The following GATAD2B variants were observed in gnomAD, a reference collection of about 807,000 sequenced individuals.
The protein encoded by GATAD2B is transcriptional repressor p66-beta.
In GATAD2B, 8 loss-of-function variants were observed where a neutral mutation model predicts 64.3. The ratio of observed to expected loss-of-function variants is 0.12; its 90% CI spans 0.07 to 0.22. The LOEUF (loss-of-function observed/expected upper bound fraction) is 0.22, where lower values mean the gene tolerates loss of function less well. Ranked by LOEUF, GATAD2B falls within the 10% of genes least tolerant of loss-of-function variation. The probability of loss-of-function intolerance (pLI) is 1.00; values close to 1 mark genes in which losing one functional copy is unlikely to be tolerated. For synonymous variants in GATAD2B, 281 were observed against 271.3 expected (o/e 1.04, Z -0.35); for missense variants, 453 against 752.0 (o/e 0.60, Z 4.65).
intron 1 of GATAD2B, among the ~76,000 whole-genome samples, chr1:153,888,470 A>T (rs1677250420): frequency 6.6e-6 from 1 of 152,118 alleles, no homozygotes. Context: ...GTGTGCAAAT[A>T]CTTCATTTCT....
chr1:153,866,822 G>A lies in GATAD2B; in HGVS notation c.-1-38474C>T, dbSNP rs940128414. Among the ~76,000 whole-genome samples, 8 of 152,140 alleles carry A rather than the reference G, an allele frequency of 5.3e-5. No homozygotes were observed. In the South Asian group the frequency reaches 6.2e-4, roughly 12 times the overall value. Reference sequence around the variant, plus strand: ...TTTTGAGACGGAGTCTTGCTCTGTCGCCAGGCTGGAGTGCAGTGGCACAAT... The same window carrying A: ...TTTTGAGACGGAGTCTTGCTCTGTCACCAGGCTGGAGTGCAGTGGCACAAT... On this transcript the variant is annotated intron_variant, in intron 1 of 10. Coordinates refer to ENST00000368655, the MANE Select transcript of GATAD2B (RefSeq NM_020699.4).
chr1:153,889,179 G>A (rs537945830), intron 1 of GATAD2B, among the ~76,000 whole-genome samples: 6 of 151,940 alleles, frequency 3.9e-5, no homozygotes, highest in South Asian at 4.2e-4. Context: ...GTATCAGGCC[G>A]GGTGTGGTGG....
Position 153,816,497 on chromosome 1 carries a change from C to G in GATAD2B, c.992G>C (p.Arg331Thr), listed in dbSNP as rs759007857. 3 of 1,613,746 alleles carry G rather than the reference C, an allele frequency of 1.9e-6. No homozygotes were observed. The highest frequency in any genetic ancestry group is 2.5e-6 in the Non-Finnish European group (3 of 1,179,580). The change falls in exon 7 of 11, where the codon AGA becomes ACA. Residue 331 changes from arginine to threonine, a missense_variant. By Grantham distance (71) the Arg-to-Thr change is moderately conservative. Transcript: ENST00000368655. The surrounding 1 kb of genome is among the most constrained non-coding windows in gnomAD (Gnocchi z 4.9). ...GGGGCTAGGAAGTGGCGAGGACACTCTGTTCACCGTCCCTGGCTGGATATG... is the reference window on the plus strand; with the variant it reads ...GGGGCTAGGAAGTGGCGAGGACACTGTGTTCACCGTCCCTGGCTGGATATG... ...ASHIQPGTVN[R>T]VSSPLPSPSA... is the part of the protein sequence containing the mutation.
chr1:153,861,192 C>A (rs888333639), intron 1 of GATAD2B, among the ~76,000 whole-genome samples: 1 of 152,086 alleles, frequency 6.6e-6, no homozygotes, highest in African/African-American at 2.4e-5. Context: ...GAGAAGGACG[C>A]CTGCCTCCAA....
chr1:153,905,553 G>GAAAAAA (rs769120730), intron 1 of GATAD2B, among the ~76,000 whole-genome samples: 4 of 64,660 alleles, frequency 6.2e-5, no homozygotes, highest in East Asian at 4.6e-4. Flanking sequence ...AACAATTTTG[G>GAAAAAA]AAAAAAAAAA....
At chr1:153,875,588 T>G (rs1215605787) in intron 1 of GATAD2B, among the ~76,000 whole-genome samples, 1 of 151,478 alleles carries the variant, frequency 6.6e-6, no homozygotes, top group Non-Finnish European at 1.5e-5. Flanking sequence ...GTGGCTGTGT[T>G]TCAACAAAAT....
At chr1:153,863,920 C>A (rs1472023013) in intron 1 of GATAD2B, among the ~76,000 whole-genome samples, 3 of 152,046 alleles carry the variant, frequency 2.0e-5, no homozygotes, top group Non-Finnish European at 2.9e-5. Flanking sequence ...CCACCACGCC[C>A]GGCCTAAAAA....
In GATAD2B at chr1:153,813,290, C is replaced by T. The variant is rs1036140299; in HGVS notation, c.1379G>A (p.Arg460Gln). The T allele has an allele frequency of 3.1e-6, 5 of 1,614,116 alleles. No individual in the cohort carries two copies. Among genetic ancestry groups the T allele is most frequent in the Non-Finnish European group, 4.2e-6 (5 of 1,180,020 alleles). ...KKALKAEHTN[R>Q]LKNAFVKALQ... ...GGCTTTCACAAATGCATTTTTCAGC[C>T]GGTTGGTGTGTTCAGCTTTTAGAGC... is the stretch of plus-strand genomic sequence containing the variant. Residue 460 changes from arginine (R) to glutamine (Q), a missense_variant, in exon 8 of 11, where the codon CGG becomes CAG. Arg to Gln is a conservative substitution (Grantham distance 43, BLOSUM62 1). Around this residue, in one of 2 missense-constraint regions of GATAD2B, gnomAD observed 160 missense variants for 334.7 expected, o/e 0.48. Transcript: ENST00000368655.
intron 1 of GATAD2B, among the ~76,000 whole-genome samples, chr1:153,903,918 A>C (rs554303833): frequency 6.6e-6 from 1 of 152,290 alleles, no homozygotes; most frequent in East Asian, 1.9e-4. Context: ...CGGGAAGTGA[A>C]GGCTGCAGTG....
chr1:153,811,533 C>A, intron 10 of GATAD2B, 198 bp downstream of exon 10: 1 of 647,766 alleles, frequency 1.5e-6, no homozygotes, highest in South Asian at 1.9e-5. Context: ...TCATTTTCAC[C>A]ACCAAAACCC....
At chr1:153,902,930 G>C (rs1275068245) in intron 1 of GATAD2B, among the ~76,000 whole-genome samples, 1 of 152,142 alleles carries the variant, frequency 6.6e-6, no homozygotes, top group Non-Finnish European at 1.5e-5. Context: ...AGATTTAAGT[G>C]GTTACAGCCG....
chr1:153,812,720 G>A (rs958227529), intron 8 of GATAD2B, among the ~76,000 whole-genome samples: 2 of 152,086 alleles, frequency 1.3e-5, no homozygotes, highest in African/African-American at 4.8e-5. Context: ...ACTCAAACAA[G>A]GGACTCTGAT....
At chr1:153,855,846 C>T (rs1431814878) in intron 1 of GATAD2B, among the ~76,000 whole-genome samples, 14 of 152,042 alleles carry the variant, frequency 9.2e-5, no homozygotes, top group Admixed American at 9.2e-4. Context: ...CCACGCCCAG[C>T]TAATTTTTGT....
At chr1:153,846,372 A>G (rs1284003884) in intron 1 of GATAD2B, among the ~76,000 whole-genome samples, 1 of 151,896 alleles carries the variant, frequency 6.6e-6, no homozygotes, top group African/African-American at 2.4e-5. Flanking sequence ...AGCTGGGATT[A>G]CAGGTGTGTG....
intron 1 of GATAD2B, among the ~76,000 whole-genome samples, chr1:153,850,930 A>G (rs956053875): frequency 2.6e-5 from 4 of 152,202 alleles, no homozygotes; most frequent in African/African-American, 9.6e-5. Context: ...CAAAAAAAAA[A>G]AAGTTTTTTT....
intron 1 of GATAD2B, among the ~76,000 whole-genome samples, chr1:153,844,679 G>A (rs12124424): frequency 0.42 from 60,236 of 145,030 alleles, 13,444 homozygotes; most frequent in Non-Finnish European, 0.52. Context: ...ACCAAACACC[G>A]TATATTCTCA....
chr1:153,817,584 C>T (rs745437348), intron 5 of GATAD2B, 42 bp from the exon 6 acceptor site: 7 of 1,469,330 alleles, frequency 4.8e-6, no homozygotes, highest in Middle Eastern at 1.8e-4. Context: ...ACAGGTTGTA[C>T]GCTGTGTATA....
intron 1 of GATAD2B, among the ~76,000 whole-genome samples, chr1:153,850,204 G>A (rs1457858061): frequency 6.6e-6 from 1 of 152,174 alleles, no homozygotes; most frequent in Non-Finnish European, 1.5e-5. Context: ...GTATTATACA[G>A]GGTCCTGAAT....
chr1:153,831,469 G>T (rs1675074198), intron 1 of GATAD2B, among the ~76,000 whole-genome samples: 1 of 151,794 alleles, frequency 6.6e-6, no homozygotes, highest in African/African-American at 2.4e-5. Flanking sequence ...AAACCTTCAG[G>T]TTCTGTGCAT....
Sources: allele counts gnomAD v4.1 joint callset (sites outside exome capture counted in the v4.1 genomes callset), GRCh38; gene constraint gnomAD v4.1.1; regional missense constraint gnomAD v4.1.1; non-coding constraint Gnocchi (gnomAD v3.1); transcripts MANE v1.5; gene names NCBI Gene and HGNC (gene_info 2026-07-23, HGNC 2026-07-21).